Variants in CPA6 observed in about 807,000 individuals in gnomAD.
CPA6 encodes the protein carboxypeptidase A6.
CPA6 carries 58 observed loss-of-function variants against 63.3 expected under a neutral mutation model. That is an observed-to-expected ratio of 0.92 (90% CI 0.74 to 1.14). The LOEUF is 1.14. Ranked by LOEUF, CPA6 falls within the 50% of genes most tolerant of loss-of-function variation. CPA6 has a pLI of 0.00. For synonymous variants in CPA6, 185 were observed against 179.0 expected (o/e 1.03, Z -0.27); for missense variants, 565 against 526.6 (o/e 1.07, Z -0.71).
At chr8:67,472,104 T>C (rs1028969996) in intron 8 of CPA6, among the ~76,000 whole-genome samples, 4 of 152,182 alleles carry the variant, frequency 2.6e-5, no homozygotes, top group African/African-American at 9.7e-5. Context: ...TATTAGTAGG[T>C]AAGAGCTTTT....
At chr8:67,606,882 A>T (rs751001450) in intron 2 of CPA6, among the ~76,000 whole-genome samples, 2 of 152,166 alleles carry the variant, frequency 1.3e-5, no homozygotes, top group African/African-American at 2.4e-5. Flanking sequence ...TGGTTTGTTC[A>T]GGTTTGAGGT....
intron 2 of CPA6, among the ~76,000 whole-genome samples, chr8:67,546,210 C>T (rs6983523): frequency 0.033 from 4,966 of 152,198 alleles, 201 homozygotes; most frequent in African/African-American, 0.097. Flanking sequence ...AAAATATAAA[C>T]GGGATTGGAA....
intron 2 of CPA6, among the ~76,000 whole-genome samples, chr8:67,589,732 T>A (rs1290929318): frequency 6.6e-6 from 1 of 152,104 alleles, no homozygotes; most frequent in Non-Finnish European, 1.5e-5. Context: ...TAACCACACC[T>A]AGGTCAAGAA....
At chr8:67,518,093 G>C (rs766597253) in intron 2 of CPA6, 46 bp from the exon 3 acceptor site, 2 of 1,479,742 alleles carry the variant, frequency 1.4e-6, no homozygotes, top group South Asian at 1.5e-5. Context: ...ACGTAGGGGG[G>C]GAAAATCTGT....
intron 1 of CPA6, among the ~76,000 whole-genome samples, chr8:67,647,274 A>ACAG (rs1265079869): frequency 6.6e-6 from 1 of 152,104 alleles, no homozygotes; most frequent in Non-Finnish European, 1.5e-5. Context: ...GCAAATATCA[A>ACAG]GCTCCTTTTC....
At chr8:67,605,366 G>C (rs1436810323) in intron 2 of CPA6, among the ~76,000 whole-genome samples, 7 of 152,218 alleles carry the variant, frequency 4.6e-5, no homozygotes, top group African/African-American at 1.4e-4. Context: ...AAAATTTGCA[G>C]ATGCTCAAGT....
intron 9 of CPA6, among the ~76,000 whole-genome samples, chr8:67,428,971 G>A (rs1010558470): frequency 1.3e-5 from 2 of 152,176 alleles, no homozygotes; most frequent in African/African-American, 4.8e-5. Flanking sequence ...TGATTCTTAA[G>A]TATATATTTC....
chr8:67,631,674 C>G lies in CPA6; in HGVS notation c.117-7423G>C, dbSNP rs114184027. On this transcript the variant is annotated intron_variant, in intron 1 of 10. Transcript: ENST00000297770. ...CAACCCACTAGGGTTCTCTTCCACC[C>G]TGTGTAAACTTTGTTCTTTTATTGT... Among the ~76,000 whole-genome samples the G allele has an allele frequency of 7.3e-3, 1,113 of 152,346 alleles. 12 individuals carry two copies. The highest frequency in any genetic ancestry group is 0.025 in the African/African-American group (1,052 of 41,580).
Position 67,556,576 on chromosome 8 carries a change from C to G in CPA6, c.193-38529G>C, listed in dbSNP as rs1180207110. On this transcript the variant is annotated intron_variant, in intron 2 of 10. Coordinates refer to ENST00000297770, the MANE Select transcript of CPA6 (RefSeq NM_020361.5). ...CCAGCAATTTCTCCTGGGGCCAACC[C>G]TCACTCAGAAGTGGATGGGAATTCT... Among the ~76,000 whole-genome samples, 3 of 152,296 alleles carry G rather than the reference C, an allele frequency of 2.0e-5. No individual in the cohort carries two copies. In the East Asian group the frequency reaches 5.8e-4, roughly 29 times the overall value.
intron 6 of CPA6, among the ~76,000 whole-genome samples, chr8:67,504,031 T>C (rs2128964263): frequency 6.6e-6 from 1 of 152,310 alleles, no homozygotes; most frequent in South Asian, 2.1e-4. Flanking sequence ...AATAAGCCAA[T>C]GTGTTACATA....
chr8:67,518,756 C>T (rs1195655147), intron 2 of CPA6, among the ~76,000 whole-genome samples: 1 of 151,988 alleles, frequency 6.6e-6, no homozygotes, highest in African/African-American at 2.4e-5. Flanking sequence ...AGTGATCCAC[C>T]CTTCTTGGCC....
At chr8:67,465,950 A>T (rs371093650) in intron 8 of CPA6, among the ~76,000 whole-genome samples, 19 of 152,258 alleles carry the variant, frequency 1.2e-4, no homozygotes, top group African/African-American at 4.3e-4. Context: ...ATTTGGTATC[A>T]GGGTGATGCT....
chr8:67,743,774 G>C (rs1418883353), intron 1 of CPA6, among the ~76,000 whole-genome samples: 1 of 152,124 alleles, frequency 6.6e-6, no homozygotes, highest in Non-Finnish European at 1.5e-5. Flanking sequence ...GGTCTGCCCT[G>C]TGTGTTCCAT....
chr8:67,541,286 A>C (rs1275431479), intron 2 of CPA6, among the ~76,000 whole-genome samples: 4 of 152,028 alleles, frequency 2.6e-5, no homozygotes, highest in Admixed American at 6.6e-5. Flanking sequence ...GTAAGGGAGG[A>C]GACTACCCCT....
At chr8:67,633,646 A>C (rs1185168058) in intron 1 of CPA6, among the ~76,000 whole-genome samples, 4 of 145,564 alleles carry the variant, frequency 2.7e-5, no homozygotes, top group Admixed American at 7.2e-5. Context: ...GCGCCACTGC[A>C]CTCCAGCCTG....
intron 2 of CPA6, among the ~76,000 whole-genome samples, chr8:67,595,319 C>T (rs1279993334): frequency 2.6e-5 from 4 of 152,324 alleles, no homozygotes; most frequent in East Asian, 1.9e-4. Flanking sequence ...TTAGGCTGCT[C>T]GGGGGTCAGG....
At chr8:67,723,762 C>G (rs1587729967) in intron 1 of CPA6, among the ~76,000 whole-genome samples, 1 of 151,916 alleles carries the variant, frequency 6.6e-6, no homozygotes, top group East Asian at 1.9e-4. Flanking sequence ...AAAAATAATT[C>G]CATATAAAGA....
intron 2 of CPA6, among the ~76,000 whole-genome samples, chr8:67,574,667 G>C (rs1454578046): frequency 6.6e-6 from 1 of 152,060 alleles, no homozygotes; most frequent in East Asian, 1.9e-4. Context: ...AGTGGTGATA[G>C]GAAAACTGGA....
At chr8:67,471,652 C>T (rs572866029) in intron 8 of CPA6, among the ~76,000 whole-genome samples, 8 of 152,162 alleles carry the variant, frequency 5.3e-5, no homozygotes, top group Admixed American at 5.2e-4. Context: ...TGTCATTATT[C>T]AGCATACCTC....
Sources: gnomAD v4.1 joint callset for allele counts (sites outside exome capture counted in the v4.1 genomes callset) on GRCh38, gnomAD v4.1.1 for gene constraint, MANE v1.5 for transcripts, NCBI Gene and HGNC (gene_info 2026-07-23, HGNC 2026-07-21) for gene names.